Variants in USH2A observed in about 807,000 individuals in gnomAD.
USH2A encodes Usher syndrome 2A (autosomal recessive, mild).
In USH2A, 443 loss-of-function variants were observed where a neutral mutation model predicts 538.9. The observed-to-expected ratio is 0.82, with a 90% CI of 0.76 to 0.89. USH2A has a LOEUF of 0.89. Among genes scored for constraint, USH2A ranks in the 40% least tolerant of loss-of-function variants. The pLI, the probability that USH2A is intolerant of heterozygous loss-of-function variation, is 0.00. For missense variants in USH2A, 6,633 were observed against 6,324.8 expected, an observed-to-expected ratio of 1.05 and a Z score of -1.65; for synonymous variants, 2,413 against 2,273.5, an observed-to-expected ratio of 1.06 and a Z score of -1.75.
chr1:216,328,350 T>C (rs542533364), intron 4 of USH2A, among the ~76,000 whole-genome samples: 1 of 152,156 alleles, frequency 6.6e-6, no homozygotes, highest in Non-Finnish European at 1.5e-5. Flanking sequence ...CCACATGGTA[T>C]TATTTTATTT....
chr1:215,901,224 G>T, intron 38 of USH2A: 1 of 389,466 alleles, frequency 2.6e-6, no homozygotes. Flanking sequence ...AAATATTAAA[G>T]TACCTTTTTC....
At chr1:215,773,484 GTC>G (rs756571165) in intron 55 of USH2A, among the ~76,000 whole-genome samples, 1,165 of 112,256 alleles carry the variant, frequency 0.01, 21 homozygotes, top group African/African-American at 0.048. Flanking sequence ...ATGTCTCTCT[GTC>G]TCTCTGTCTC....
At chr1:216,222,706 C>A (rs543019198) in intron 14 of USH2A, among the ~76,000 whole-genome samples, 1 of 152,094 alleles carries the variant, frequency 6.6e-6, no homozygotes, top group Non-Finnish European at 1.5e-5. Flanking sequence ...ACGATGGGTG[C>A]GGTGGCTCAC....
intron 4 of USH2A, among the ~76,000 whole-genome samples, chr1:216,361,076 A>T (rs774326125): frequency 6.6e-5 from 10 of 152,146 alleles, no homozygotes; most frequent in Non-Finnish European, 1.2e-4. Flanking sequence ...CTGGGGCAGA[A>T]TAGAAAGTTC....
At position 215,845,676 on chromosome 1, in the gene USH2A, A is replaced by T. The variant is rs555635031; in HGVS notation, c.9055+148T>A. The stretch of plus-strand genomic sequence containing the variant: ...TGCTTATTGATCTGCTACTGATGAC[A>T]GTGAGCACTTAAGCATTTTAGCCTC... On this transcript the variant is annotated intron_variant, in intron 45 of 71. Transcript: ENST00000307340. 3.0e-5 allele frequency: 23 copies of T among 763,246 alleles called. No individual in the cohort carries two copies. The East Asian group carries it at 6.2e-4, about 20-fold the overall frequency. The allele number at this position is 763,246 out of a possible 1,614,324, so 47.3% of individuals were successfully genotyped here.
chr1:215,995,635 A>G (rs1668116855), intron 34 of USH2A, among the ~76,000 whole-genome samples: 1 of 152,194 alleles, frequency 6.6e-6, no homozygotes, highest in Admixed American at 6.5e-5. Flanking sequence ...GAAAAACTAA[A>G]CAAAATAGTG....
At chr1:215,678,045 C>A (rs2102669687) in intron 62 of USH2A, among the ~76,000 whole-genome samples, 1 of 152,272 alleles carries the variant, frequency 6.6e-6, no homozygotes, top group South Asian at 2.1e-4. Context: ...ATTTTGTCAT[C>A]TCTATCTTCT....
rs1481805464 is a variant in USH2A at position 215,650,772 on chromosome 1, G to C, written c.14163C>G (p.Ala4721=). 2 of 1,613,534 alleles carry C rather than the reference G, an allele frequency of 1.2e-6. No homozygotes were observed. The highest frequency in any genetic ancestry group is 2.2e-5 in the South Asian group (2 of 91,050). The change falls in exon 65 of 72, where the codon GCC becomes GCG. Residue 4721 remains alanine, a synonymous_variant. Transcript: ENST00000307340. ...TTCTGCACCATGTCCAGCTACTGGG[G>C]GCTTTTCCTGCAGAATTCACTGCCC... is the stretch of plus-strand genomic sequence containing the variant. ...QVWAVNSAGK[A]PSSWTWCRTG...
chr1:215,745,722 C>T (rs546124321), intron 58 of USH2A, among the ~76,000 whole-genome samples: 1 of 152,278 alleles, frequency 6.6e-6, no homozygotes, highest in African/African-American at 2.4e-5. Flanking sequence ...AGGACTTGAA[C>T]TTAGGCCCAT....
In USH2A at chr1:216,097,159, G is replaced by A; in HGVS notation, c.4682C>T (p.Ala1561Val). ...KVPEGLIVFA[A>V]SPGNQEEYFA... is the part of the protein sequence containing the mutation. ...ATACTCTTCCTGATTGCCAGGTGATGCTGCAAAGACAATCAAACCTTCAGG... is the reference window on the plus strand; with the variant it reads ...ATACTCTTCCTGATTGCCAGGTGATACTGCAAAGACAATCAAACCTTCAGG... Residue 1561 changes from alanine to valine, a missense_variant, in exon 22 of 72, where the codon GCA (alanine) becomes GTA (valine). Transcript: ENST00000307340. The A allele has an allele frequency of 1.9e-6, 3 of 1,614,160 alleles. No homozygotes were observed. Among genetic ancestry groups the A allele is most frequent in the South Asian group, 1.1e-5 (1 of 91,090 alleles).
chr1:215,968,897 A>G lies in USH2A; in HGVS notation c.6957+1728T>C, dbSNP rs1667425279. On this transcript the variant is annotated intron_variant, in intron 36 of 71. Coordinates refer to ENST00000307340, the MANE Select transcript of USH2A (RefSeq NM_206933.4). Reference sequence around the variant, plus strand: ...TTTGTTGAGTATCACATCATAATTTAATGATAGAAAACTCTGCCTTTTAAG... The same window carrying G: ...TTTGTTGAGTATCACATCATAATTTGATGATAGAAAACTCTGCCTTTTAAG... 1.3e-5 allele frequency among the ~76,000 whole-genome samples: 2 copies of G among 152,182 alleles called. 1 individual carries two copies. Among genetic ancestry groups the G allele is most frequent in the Admixed American group, 1.3e-4 (2 of 15,262 alleles).
chr1:215,726,089 A>G (rs1049266641), intron 61 of USH2A, among the ~76,000 whole-genome samples: 2 of 152,168 alleles, frequency 1.3e-5, no homozygotes, highest in Admixed American at 1.3e-4. Flanking sequence ...TGCCTTCAAT[A>G]AAAACATATT....
chr1:215,709,894 G>A (rs966961429), intron 61 of USH2A, among the ~76,000 whole-genome samples: 10 of 152,062 alleles, frequency 6.6e-5, no homozygotes, highest in Non-Finnish European at 1.2e-4. Context: ...ACTATTTCTA[G>A]GGTTGAATGA....
In USH2A at chr1:216,199,854, C is replaced by T. The variant is rs727504652; in HGVS notation, c.3584G>A (p.Cys1195Tyr). 1 of 1,614,042 alleles carries T rather than the reference C, an allele frequency of 6.2e-7. No homozygotes were observed. The highest frequency in any genetic ancestry group is 1.7e-5 in the Admixed American group (1 of 60,008). Reference sequence around the variant, plus strand: ...GGTTTCATGACCTTCGTAGGAAACACATGGCTGACCACCAGCCAAAGGGGC... The same window carrying T: ...GGTTTCATGACCTTCGTAGGAAACATATGGCTGACCACCAGCCAAAGGGGC... The part of the protein sequence containing the change: ...SCAPLAGGQP[C>Y]VSYEGHETSA... Residue 1195 changes from cysteine (C) to tyrosine (Y), a missense_variant, in exon 17 of 72, where the codon TGT becomes TAT. Cys to Tyr is a radical substitution (Grantham distance 194). Coordinates refer to ENST00000307340, the MANE Select transcript of USH2A (RefSeq NM_206933.4).
At chr1:216,157,690 T>C (rs1449989825) in intron 21 of USH2A, among the ~76,000 whole-genome samples, 1 of 152,204 alleles carries the variant, frequency 6.6e-6, no homozygotes, top group African/African-American at 2.4e-5. Flanking sequence ...TTGGAGTTCA[T>C]AATTCTAAGT....
chr1:215,777,920 C>G (rs1229539605), intron 55 of USH2A, among the ~76,000 whole-genome samples: 1 of 152,244 alleles, frequency 6.6e-6, no homozygotes, highest in Admixed American at 6.5e-5. Flanking sequence ...TGATAAAGCA[C>G]CACATAGAAG....
chr1:216,028,804 A>G (rs971124542), intron 32 of USH2A, among the ~76,000 whole-genome samples: 4 of 152,152 alleles, frequency 2.6e-5, no homozygotes, highest in Admixed American at 2.6e-4. Context: ...TAAAATGCAC[A>G]TACACAAAAT....
intron 60 of USH2A, among the ~76,000 whole-genome samples, chr1:215,740,330 T>C (rs1660266949): frequency 6.6e-6 from 1 of 152,180 alleles, no homozygotes; most frequent in African/African-American, 2.4e-5. Context: ...CAAACCAAAA[T>C]GTTCATAGTG....
chr1:215,698,543 G>A (rs151139983), intron 61 of USH2A, among the ~76,000 whole-genome samples: 1,808 of 152,282 alleles, frequency 0.012, 28 homozygotes, highest in South Asian at 0.016. Flanking sequence ...GTATCTCATT[G>A]TGGTTTTGAT....
Sources: gnomAD v4.1 joint callset for allele counts (sites outside exome capture counted in the v4.1 genomes callset) on GRCh38, gnomAD v4.1.1 for gene constraint, MANE v1.5 for transcripts, NCBI Gene and HGNC (gene_info 2026-07-23, HGNC 2026-07-21) for gene names.